TCF7L2: variants seen among roughly 807,000 people sequenced by gnomAD.
TCF7L2 encodes the protein transcription factor 7-like 2.
In TCF7L2, 23 loss-of-function variants were observed where a neutral mutation model predicts 77.9. The observed-to-expected ratio is 0.30, with a 90% CI of 0.21 to 0.42. TCF7L2 has a LOEUF of 0.42. TCF7L2 is among the 10% of genes least tolerant of loss of function. The pLI, the probability that TCF7L2 is intolerant of heterozygous loss-of-function variation, is 1.00. For synonymous variants in TCF7L2, 413 were observed against 340.2 expected, an observed-to-expected ratio of 1.21 and a Z score of -2.36; for missense variants, 654 against 793.1, an observed-to-expected ratio of 0.82 and a Z score of 2.11.
At chr10:113,131,901 T>TTGTTA (rs2066660780) in intron 5 of TCF7L2, 1 of 152,242 alleles carries the variant, frequency 6.6e-6, no homozygotes, top group Non-Finnish European at 1.5e-5. Context: ...CCTGGGTCAC[T>TTGTTA]CCCTCGTTAC....
At chr10:113,116,023 C>A (rs2063689387) in intron 5 of TCF7L2, among the ~76,000 whole-genome samples, 1 of 152,088 alleles carries the variant, frequency 6.6e-6, no homozygotes, top group African/African-American at 2.4e-5. Context: ...CTATTTTACT[C>A]AATGTGTGAA....
Position 112,951,492 on chromosome 10 carries a change from G to A in TCF7L2, c.266G>A (p.Arg89Lys), listed in dbSNP as rs1309241438. 7 of 1,434,352 alleles carry A rather than the reference G, an allele frequency of 4.9e-6. No individual in the cohort carries two copies. In the Admixed American group the frequency reaches 6.1e-5, roughly 13 times the overall value. 88.9% of individuals were successfully genotyped at this position (1,434,352 alleles called of 1,614,324 possible). ...CGCCCCGCCATGTTAGCGGCCAAGA[G>A]GCAAGATGGAGGGCTCTTTAAGGGG... The change falls in exon 3 of 14, where the codon AGG (arginine) becomes AAG (lysine). Residue 89 changes from arginine to lysine, a missense_variant. Physicochemically the swap from Arg to Lys is conservative, Grantham distance 26. Transcript: ENST00000627217.
At chr10:113,150,829 C>G (rs893387819) in intron 8 of TCF7L2, among the ~76,000 whole-genome samples, 169 bp from the exon 9 acceptor site, 4 of 151,984 alleles carry the variant, frequency 2.6e-5, no homozygotes, top group African/African-American at 7.3e-5. Context: ...TTATGAGAAT[C>G]ATTATGTTTA....
chr10:113,103,022 A>G (rs1362273827), intron 5 of TCF7L2, among the ~76,000 whole-genome samples: 1 of 152,230 alleles, frequency 6.6e-6, no homozygotes, highest in Non-Finnish European at 1.5e-5. Context: ...TAACTCATTT[A>G]ATCTGCTCAA....
At chr10:113,092,248 C>A (rs772648332) in intron 5 of TCF7L2, among the ~76,000 whole-genome samples, 1 of 152,208 alleles carries the variant, frequency 6.6e-6, no homozygotes, top group Non-Finnish European at 1.5e-5. Flanking sequence ...CAAAATGCCA[C>A]GTTTCCAGGA....
chr10:113,059,915 G>C (rs2056148691), intron 5 of TCF7L2, among the ~76,000 whole-genome samples: 1 of 152,178 alleles, frequency 6.6e-6, no homozygotes, highest in Non-Finnish European at 1.5e-5. Flanking sequence ...TGGGGTGTGT[G>C]TGTGTGAAGG....
At chr10:112,977,468 G>A (rs2039636167) in intron 4 of TCF7L2, among the ~76,000 whole-genome samples, 1 of 152,160 alleles carries the variant, frequency 6.6e-6, no homozygotes, top group Non-Finnish European at 1.5e-5. Context: ...ATTGACATAC[G>A]GGCCGTCATC....
intron 5 of TCF7L2, among the ~76,000 whole-genome samples, chr10:113,107,190 A>G (rs145789207): frequency 2.0e-4 from 30 of 152,312 alleles, no homozygotes; most frequent in African/African-American, 4.8e-4. Flanking sequence ...TGGCCTGCCA[A>G]AGCTTGAAGG....
intron 5 of TCF7L2, among the ~76,000 whole-genome samples, chr10:113,096,806 A>G (rs1029861234): frequency 5.3e-5 from 8 of 152,050 alleles, no homozygotes. Flanking sequence ...CTCAGAGTGA[A>G]AGTTTCTGTT....
At chr10:112,959,882 G>T (rs1052179461) in intron 3 of TCF7L2, among the ~76,000 whole-genome samples, 2 of 152,028 alleles carry the variant, frequency 1.3e-5, no homozygotes, top group African/African-American at 4.8e-5. Flanking sequence ...GTTTCTTAAG[G>T]TAATTACATG....
intron 5 of TCF7L2, among the ~76,000 whole-genome samples, chr10:113,045,658 C>T (rs899553406): frequency 2.0e-5 from 3 of 152,096 alleles, no homozygotes; most frequent in Non-Finnish European, 4.4e-5. Flanking sequence ...TGGGGAGGGC[C>T]AGCGTATTTT....
Position 112,950,854 on chromosome 10 carries a change from A to G in TCF7L2, c.98A>G (p.Glu33Gly), listed in dbSNP as rs148876270. 1.8e-5 allele frequency: 29 copies of G among 1,610,396 alleles called. No homozygotes were observed. In the South Asian group the frequency reaches 2.5e-4, roughly 14 times the overall value. The change falls in exon 1 of 14, where the codon GAA becomes GGA. Residue 33 changes from glutamate (E) to glycine (G), a missense_variant. Physicochemically the swap from Glu to Gly is moderately conservative, Grantham distance 98. This residue lies in a region of TCF7L2 where 37 missense variants were observed against 48.1 expected (regional missense o/e 0.77). Coordinates refer to ENST00000627217, the MANE Select transcript of TCF7L2 (RefSeq NM_001146274.2). ...GGCGAACAGGAGGAGAAGAGCTCCGAAAACTCCTCGGCAGAGAGGGATTTA... is the reference window on the plus strand; with the variant it reads ...GGCGAACAGGAGGAGAAGAGCTCCGGAAACTCCTCGGCAGAGAGGGATTTA...
At chr10:112,961,055 C>T (rs947810298) in intron 3 of TCF7L2, among the ~76,000 whole-genome samples, 17 of 151,846 alleles carry the variant, frequency 1.1e-4, no homozygotes, top group Admixed American at 1.1e-3. Context: ...GCTCTTGTTG[C>T]CCAGGCTGGA....
At chr10:113,149,310 TTCTC>T in intron 8 of TCF7L2, among the ~76,000 whole-genome samples, 1 of 152,376 alleles carries the variant, frequency 6.6e-6, no homozygotes, top group African/African-American at 2.4e-5. Context: ...TACATTTTCC[TTCTC>T]TCTCTCTTTT....
intron 13 of TCF7L2, chr10:113,161,151 C>T: frequency 4.4e-6 from 1 of 228,328 alleles, no homozygotes. Context: ...TCTTCTTTCC[C>T]TTTTTTCTTT....
chr10:112,950,632 A>C lies in TCF7L2; in HGVS notation c.-125A>C, dbSNP rs1589556123. 3.7e-6 allele frequency: 4 copies of C among 1,072,402 alleles called. No homozygotes were observed. Among genetic ancestry groups the C allele is most frequent in the African/African-American group, 1.8e-5 (1 of 54,868 alleles). 66.4% of individuals were successfully genotyped at this position (1,072,402 alleles called of 1,614,324 possible). ...AAGACCCCCAAGCAGAAAAAAGTTCACCTTGGACTCGTCTTTTTCTTGCAA... is the reference window on the plus strand; with the variant it reads ...AAGACCCCCAAGCAGAAAAAAGTTCCCCTTGGACTCGTCTTTTTCTTGCAA... On this transcript the variant is annotated 5_prime_UTR_variant, in exon 1 of 14. Transcript: ENST00000627217.
intron 5 of TCF7L2, among the ~76,000 whole-genome samples, chr10:113,135,463 G>A (rs1026861434): frequency 3.3e-5 from 5 of 152,222 alleles, no homozygotes; most frequent in South Asian, 2.1e-4. Flanking sequence ...TTGCCAAAGA[G>A]CGTTTTCTCC....
chr10:113,158,207 G>A (rs2072366196), intron 12 of TCF7L2, 138 bp downstream of exon 12: 1 of 834,408 alleles, frequency 1.2e-6, no homozygotes, highest in Non-Finnish European at 1.9e-6. Flanking sequence ...TAGCCTTTTT[G>A]TTTATGCATT....
intron 5 of TCF7L2, among the ~76,000 whole-genome samples, chr10:113,113,729 A>T (rs2063412192): frequency 6.6e-6 from 1 of 152,212 alleles, no homozygotes; most frequent in Non-Finnish European, 1.5e-5. Flanking sequence ...TTTGTTTCCC[A>T]TTAGAGATAA....
Sources: gnomAD v4.1 joint callset for allele counts (sites outside exome capture counted in the v4.1 genomes callset) on GRCh38, gnomAD v4.1.1 for gene constraint, gnomAD v4.1.1 regional missense constraint, MANE v1.5 for transcripts, NCBI Gene and HGNC (gene_info 2026-07-23, HGNC 2026-07-21) for gene names.